Variants in KIF7 observed in about 807,000 individuals in gnomAD.
KIF7 encodes kinesin family member 7.
KIF7 carries 104 observed loss-of-function variants against 135.7 expected under a neutral mutation model. The ratio of observed to expected loss-of-function variants is 0.77; its 90% CI spans 0.65 to 0.90. The LOEUF (loss-of-function observed/expected upper bound fraction) is 0.90, where lower values mean the gene tolerates loss of function less well. KIF7 is among the 40% of genes least tolerant of loss of function. The pLI is 0.00. For synonymous variants in KIF7, 883 were observed against 809.4 expected (o/e 1.09, Z -1.54); for missense variants, 2,005 against 1,839.1 (o/e 1.09, Z -1.65).
At chr15:89,619,137 ACTG>A (rs1259551753) in intron 1 of KIF7, among the ~76,000 whole-genome samples, 3 of 152,084 alleles carry the variant, frequency 2.0e-5, no homozygotes, top group Admixed American at 6.5e-5. Flanking sequence ...ATATACTCTT[ACTG>A]CTATTATTTC....
intron 1 of KIF7, among the ~76,000 whole-genome samples, chr15:89,619,544 CTT>C (rs1241754004): frequency 6.6e-6 from 1 of 152,102 alleles, no homozygotes; most frequent in Non-Finnish European, 1.5e-5. Context: ...TCAAACCCCT[CTT>C]AGTTTGTTAA....
chr15:89,630,320 C>A lies in KIF7; in HGVS notation c.3285G>T (p.Glu1095Asp). Reference protein sequence around the residue: ...MAKLSYLSSSETRALLCKYFD... With the variant: ...MAKLSYLSSSDTRALLCKYFD... The stretch of plus-strand genomic sequence containing the variant: ...AATACTTGCAGAGGAGGGCTCTGGT[C>A]TCTGAGGATGAGAGGTAGCTGAGCT... The change falls in exon 16 of 19, where the codon GAG (glutamate) becomes GAT (aspartate). Residue 1095 changes from glutamate (E) to aspartate (D), a missense_variant. Glu to Asp is a conservative substitution (Grantham distance 45). Transcript: ENST00000394412. 1 of 1,614,188 alleles carries A rather than the reference C, an allele frequency of 6.2e-7. No individual in the cohort carries two copies.
intron 7 of KIF7, 120 bp from the exon 8 acceptor site, chr15:89,646,146 A>C: frequency 7.9e-7 from 1 of 1,271,504 alleles, no homozygotes; most frequent in Non-Finnish European, 1.1e-6. Flanking sequence ...TCCAGCTCAA[A>C]TGACCCCTCT....
rs751522626 is a variant in KIF7, at chr15:89,629,012, T to C, written c.3628A>G (p.Lys1210Glu). ...CCTACAGCGTTCACACCGCCGAGCT[T>C]CTGTTTCAGTTCCTGGTTTATCCAC... ...YMWINQELKQ[K>E]LGGVNAVGHS... The change falls in exon 18 of 19, where the codon AAG (lysine) becomes GAG (glutamate). Residue 1210 changes from lysine to glutamate, a missense_variant. Coordinates refer to ENST00000394412, the MANE Select transcript of KIF7 (RefSeq NM_198525.3). 7.9e-5 allele frequency: 127 copies of C among 1,613,544 alleles called. No homozygotes were observed. The highest frequency in any genetic ancestry group is 1.0e-4 in the Non-Finnish European group (122 of 1,179,914).
At chr15:89,648,114 T>G in intron 5 of KIF7, 141 bp downstream of exon 5, 1 of 1,350,034 alleles carries the variant, frequency 7.4e-7, no homozygotes, top group Non-Finnish European at 9.6e-7. Context: ...ACCACGGTAA[T>G]CAGCAGAAGT....
In KIF7 at chr15:89,648,641, C is replaced by G. The variant is rs928814459; in HGVS notation, c.1057G>C (p.Ala353Pro). ...ASRAQNIRNR[A>P]TVNWRPEAER... ...GCCTCGGGCCGCCAGTTGACCGTGG[C>G]GCGGTTGCGGATGTTCTGGGCGCGG... The change falls in exon 5 of 19, where the codon GCC becomes CCC. Residue 353 changes from alanine to proline, a missense_variant. Physicochemically the swap from Ala to Pro is conservative, Grantham distance 27. Transcript: ENST00000394412. The G allele has an allele frequency of 2.0e-6, 3 of 1,535,524 alleles. No homozygotes were observed. The South Asian group carries it at 3.6e-5, about 18-fold the overall frequency.
In KIF7 at chr15:89,629,566, G is replaced by A. The variant is rs189960711; in HGVS notation, c.3326C>T (p.Thr1109Met). 2.6e-5 allele frequency: 42 copies of A among 1,605,612 alleles called. No individual in the cohort carries two copies. Among genetic ancestry groups the A allele is most frequent in the Admixed American group, 5.0e-5 (3 of 60,014 alleles). The change falls in exon 17 of 19, where the codon ACG becomes ATG. Residue 1109 changes from threonine to methionine, a missense_variant. By Grantham distance (81) the Thr-to-Met change is moderately conservative (BLOSUM62 -1). Transcript: ENST00000394412. ...LLCKYFDKVV[T>M]LREEQHQQQI... ...CTGCTGGTGCTGCTCCTCTCGGAGC[G>A]TCACCACCTGTCCCAAGACCCAGCC...
intron 2 of KIF7, 148 bp from the exon 3 acceptor site, chr15:89,650,089 G>A (rs1198296564): frequency 7.5e-6 from 6 of 797,090 alleles, no homozygotes; most frequent in Non-Finnish European, 1.0e-5. Context: ...GGGACAGGTG[G>A]CCTGAGCTTG....
In KIF7 at chr15:89,645,163, C is replaced by G. The variant is rs1963989690; in HGVS notation, c.2041G>C (p.Val681Leu). ...LDAAIPGSRA[V>L]GGSKARVQAR... ...TGAACTCGGGCCTTGCTCCCACCAA[C>G]TGCTGCAACAGGCAGCCTGTCAAGG... The change falls in exon 10 of 19, where the codon GTT becomes CTT. Residue 681 changes from valine (V) to leucine (L), a missense_variant and splice_region_variant. Val to Leu is a conservative substitution (Grantham distance 32). Transcript: ENST00000394412. 6.2e-7 allele frequency: 1 copy of G among 1,604,474 alleles called. No homozygotes were observed. The highest frequency in any genetic ancestry group is 2.2e-5 in the East Asian group (1 of 44,892).
rs138408635 is a variant in KIF7 at position 89,643,523 on chromosome 15, C to G, written c.2192-1118G>C. ...ATGTGTGTGTGGAACAAATGTGGAG[C>G]CTGATTCAAGCGATCCAGCTATAAA... is the stretch of plus-strand genomic sequence containing the variant. On this transcript the variant is annotated intron_variant, in intron 10 of 18. Coordinates refer to ENST00000394412, the MANE Select transcript of KIF7 (RefSeq NM_198525.3). Among the ~76,000 whole-genome samples the G allele has an allele frequency of 2.7e-3, 407 of 152,242 alleles. 1 individual carries two copies. Among genetic ancestry groups the G allele is most frequent in the African/African-American group, 9.3e-3 (385 of 41,546 alleles).
chr15:89,648,781 G>C lies in KIF7; in HGVS notation c.924-7C>G, dbSNP rs1028237879. 2.6e-6 allele frequency: 4 copies of C among 1,529,890 alleles called. No homozygotes were observed. In the African/African-American group the frequency reaches 5.5e-5, roughly 21 times the overall value. 94.8% of individuals were successfully genotyped at this position (1,529,890 alleles called of 1,614,324 possible). A position where few individuals can be genotyped will look rare whatever the true frequency, so the allele number is the denominator to read the frequency against. On this transcript the variant is annotated splice_region_variant and splice_polypyrimidine_tract_variant and intron_variant, in intron 4 of 18. Transcript: ENST00000394412. Reference sequence around the variant, plus strand: ...CAGCGAGTCTTTGAGGATCCTGAGGGCGCGAGGGGGAGGCTCTCAGGGGCC... The same window carrying C: ...CAGCGAGTCTTTGAGGATCCTGAGGCCGCGAGGGGGAGGCTCTCAGGGGCC...
chr15:89,646,767 C>T (rs555541467), intron 7 of KIF7, 63 bp downstream of exon 7: 6 of 1,494,758 alleles, frequency 4.0e-6, no homozygotes, highest in Non-Finnish European at 5.6e-6. Context: ...TGCCCCCTTC[C>T]CCTGCCCCGA....
Position 89,646,870 on chromosome 15 carries a change from C to A in KIF7, c.1748G>T (p.Cys583Phe), listed in dbSNP as rs1964022024. 1.2e-6 allele frequency: 2 copies of A among 1,614,026 alleles called. No individual in the cohort carries two copies. Among genetic ancestry groups the A allele is most frequent in the South Asian group, 1.1e-5 (1 of 91,086 alleles). The part of the protein sequence containing the change: ...AHVLGMVPPA[C>F]LPGDEVGSEQ... Reference sequence around the variant, plus strand: ...AGAGCCAACTTCATCTCCAGGGAGGCAGGCAGGCGGCACCATGCCCAGCAC... The same window carrying A: ...AGAGCCAACTTCATCTCCAGGGAGGAAGGCAGGCGGCACCATGCCCAGCAC... The change falls in exon 7 of 19, where the codon TGC (cysteine) becomes TTC (phenylalanine). Residue 583 changes from cysteine (C) to phenylalanine (F), a missense_variant. Cys to Phe is a radical substitution (Grantham distance 205). Transcript: ENST00000394412.
intron 14 of KIF7, among the ~76,000 whole-genome samples, chr15:89,632,360 A>C (rs1963698235): frequency 6.6e-6 from 1 of 152,186 alleles, no homozygotes; most frequent in Non-Finnish European, 1.5e-5. Flanking sequence ...TGGAGTAATG[A>C]TGCCAGGCGG....
chr15:89,644,206 G>A (rs921319692), intron 10 of KIF7, among the ~76,000 whole-genome samples: 1 of 151,972 alleles, frequency 6.6e-6, no homozygotes, highest in Non-Finnish European at 1.5e-5. Flanking sequence ...AAATATAAAC[G>A]CTCCACTGGC....
intron 11 of KIF7, among the ~76,000 whole-genome samples, chr15:89,638,992 A>C (rs1285738049): frequency 2.0e-5 from 3 of 147,816 alleles, no homozygotes; most frequent in African/African-American, 7.6e-5. Context: ...ATAACGCCGC[A>C]TATCTACAAC....
chr15:89,623,356 A>C (rs1381236519), downstream of KIF7, among the ~76,000 whole-genome samples: 1 of 152,232 alleles, frequency 6.6e-6, no homozygotes, highest in East Asian at 1.9e-4. Context: ...TAGAGGCAAA[A>C]AGCATGGTTT....
At chr15:89,618,279 T>C in intron 1 of KIF7, 2 of 1,395,956 alleles carry the variant, frequency 1.4e-6, no homozygotes, top group South Asian at 1.2e-5. Flanking sequence ...CTGTATGTAT[T>C]GTTACTTGGC....
Position 89,630,305 on chromosome 15 carries a change from G to A in KIF7, c.3300C>T (p.Leu1100=), listed in dbSNP as rs1596065574. The part of the protein sequence containing the change: ...YLSSSETRAL[L]CKYFDKVVTL... ...GGCCCACCTTGTCAAAATACTTGCA[G>A]AGGAGGGCTCTGGTCTCTGAGGATG... Residue 1100 remains leucine, a synonymous_variant, in exon 16 of 19, where the codon CTC becomes CTT. Coordinates refer to ENST00000394412, the MANE Select transcript of KIF7 (RefSeq NM_198525.3). The A allele has an allele frequency of 6.2e-7, 1 of 1,614,142 alleles. No individual in the cohort carries two copies. The highest frequency in any genetic ancestry group is 8.5e-7 in the Non-Finnish European group (1 of 1,180,032).
Sources: gnomAD v4.1 joint callset for allele counts (sites outside exome capture counted in the v4.1 genomes callset) on GRCh38, gnomAD v4.1.1 for gene constraint, MANE v1.5 for transcripts, NCBI Gene and HGNC (gene_info 2026-07-23, HGNC 2026-07-21) for gene names.